The following SHISA9 variants were observed in gnomAD, a reference collection of about 807,000 sequenced individuals.
SHISA9 encodes shisa family member 9.
A neutral mutation model predicts 38.0 loss-of-function variants in SHISA9; 13 were observed. That is an observed-to-expected ratio of 0.34 (90% CI 0.22 to 0.54). The LOEUF (loss-of-function observed/expected upper bound fraction) is 0.54, where lower values mean the gene tolerates loss of function less well. Among genes scored for constraint, SHISA9 ranks in the 20% least tolerant of loss-of-function variants. SHISA9 has a pLI of 0.91. For missense variants in SHISA9, 538 were observed against 575.8 expected, an observed-to-expected ratio of 0.93 and a Z score of 0.67; for synonymous variants, 275 against 242.0, an observed-to-expected ratio of 1.14 and a Z score of -1.27.
chr16:13,021,432 C>T (rs888522019), intron 2 of SHISA9, among the ~76,000 whole-genome samples: 9 of 152,066 alleles, frequency 5.9e-5, no homozygotes, highest in Admixed American at 1.3e-4. Context: ...AGATGGAAGC[C>T]GAAGAGTCTC....
chr16:13,253,568 C>T, the SHISA9 span, among the ~76,000 whole-genome samples: 1 of 152,136 alleles, frequency 6.6e-6, no homozygotes, highest in Non-Finnish European at 1.5e-5. Flanking sequence ...GGCAAGAGAG[C>T]TTGTGCAGGG....
chr16:13,003,595 C>T (rs991272911), intron 2 of SHISA9, among the ~76,000 whole-genome samples: 16 of 152,270 alleles, frequency 1.1e-4, no homozygotes, highest in Non-Finnish European at 2.2e-4. Flanking sequence ...TGGTGGCTCA[C>T]GCCTGTAATC....
the SHISA9 span, among the ~76,000 whole-genome samples, chr16:13,497,553 C>T: frequency 7.8e-4 from 118 of 151,928 alleles, no homozygotes; most frequent in Non-Finnish European, 1.4e-3. Flanking sequence ...GGCATGGTGG[C>T]GCATGCCTGT....
chr16:12,967,549 T>TA (rs2071995991), intron 2 of SHISA9, among the ~76,000 whole-genome samples: 1 of 151,756 alleles, frequency 6.6e-6, no homozygotes, highest in Non-Finnish European at 1.5e-5. Context: ...CCCTAAAACT[T>TA]AAAGTATAAT....
At chr16:13,279,983 C>G in the SHISA9 span, among the ~76,000 whole-genome samples, 1 of 151,818 alleles carries the variant, frequency 6.6e-6, no homozygotes. Flanking sequence ...TCCATTTCAT[C>G]TAAGTTATCA....
At chr16:12,970,255 G>T (rs552385139) in intron 2 of SHISA9, among the ~76,000 whole-genome samples, 2 of 143,234 alleles carry the variant, frequency 1.4e-5, no homozygotes, top group African/African-American at 2.6e-5. Flanking sequence ...TAAAGTATGG[G>T]CTGGAAAAAC....
At chr16:13,413,757 CAAAAAAAAAAAA>C in the SHISA9 span, among the ~76,000 whole-genome samples, 127 of 52,928 alleles carry the variant, frequency 2.4e-3, 2 homozygotes, top group East Asian at 0.046. Flanking sequence ...GACTTCATCT[CAAAAAAAAAAAA>C]AAAAAAAAAA....
At chr16:13,162,494 A>C (rs987417255) in intron 2 of SHISA9, among the ~76,000 whole-genome samples, 4 of 152,232 alleles carry the variant, frequency 2.6e-5, no homozygotes, top group Non-Finnish European at 5.9e-5. Context: ...CATACAGTAC[A>C]TCTTTAATAC....
chr16:13,067,714 G>A (rs2073451160), intron 2 of SHISA9, among the ~76,000 whole-genome samples: 1 of 152,174 alleles, frequency 6.6e-6, no homozygotes, highest in African/African-American at 2.4e-5. Flanking sequence ...TCCAGCTCAG[G>A]CCCTGTCTTA....
the SHISA9 span, among the ~76,000 whole-genome samples, chr16:13,378,714 G>A: frequency 4.6e-5 from 7 of 152,194 alleles, no homozygotes; most frequent in African/African-American, 1.7e-4. Context: ...GTCTCTATAA[G>A]TGCAGTGTCT....
chr16:13,196,224 C>T (rs1429542800), intron 2 of SHISA9, among the ~76,000 whole-genome samples: 2 of 150,602 alleles, frequency 1.3e-5, no homozygotes, highest in Non-Finnish European at 1.5e-5. Context: ...GGTGAAACCC[C>T]GTCTCTACTA....
chr16:13,358,800 G>T, the SHISA9 span, among the ~76,000 whole-genome samples: 1 of 152,188 alleles, frequency 6.6e-6, no homozygotes, highest in Non-Finnish European at 1.5e-5. Flanking sequence ...TCTCTTGGCT[G>T]TTTTCAGCAG....
chr16:12,924,602 A>G (rs2071370598), intron 2 of SHISA9, among the ~76,000 whole-genome samples: 1 of 152,168 alleles, frequency 6.6e-6, no homozygotes, highest in Non-Finnish European at 1.5e-5. Context: ...TAAATTAAGT[A>G]GTTACTAAGA....
the SHISA9 span, among the ~76,000 whole-genome samples, chr16:13,359,122 T>A: frequency 4.9e-4 from 21 of 42,736 alleles, no homozygotes; most frequent in Admixed American, 4.7e-3. Context: ...TCCAGAAGAA[T>A]GTCCAGTTTT....
the SHISA9 span, among the ~76,000 whole-genome samples, chr16:13,452,264 T>A: frequency 1.3e-5 from 2 of 152,212 alleles, no homozygotes. Context: ...TGATATTGCA[T>A]AAAATAACAT....
chr16:13,481,476 C>T, the SHISA9 span, among the ~76,000 whole-genome samples: 2 of 152,320 alleles, frequency 1.3e-5, no homozygotes, highest in African/African-American at 4.8e-5. Flanking sequence ...GTCAGGCTGT[C>T]CTCAACCATG....
intron 2 of SHISA9, among the ~76,000 whole-genome samples, chr16:13,095,034 T>C (rs1449097289): frequency 6.6e-6 from 1 of 152,218 alleles, no homozygotes; most frequent in Non-Finnish European, 1.5e-5. Context: ...AGGCATTTTC[T>C]TCCTCCTTGA....
At chr16:13,362,432 C>A in the SHISA9 span, among the ~76,000 whole-genome samples, 1 of 151,380 alleles carries the variant, frequency 6.6e-6, no homozygotes, top group East Asian at 1.9e-4. Flanking sequence ...TGTCTCAGAC[C>A]AAAAAAACAA....
chr16:13,539,223 A>G, the SHISA9 span, among the ~76,000 whole-genome samples: 1 of 149,760 alleles, frequency 6.7e-6, no homozygotes, highest in Non-Finnish European at 1.5e-5. Context: ...TTGACCTCCC[A>G]AGCTCAAGAG....
Sources: allele counts gnomAD v4.1 joint callset (sites outside exome capture counted in the v4.1 genomes callset), GRCh38; gene constraint gnomAD v4.1.1; transcripts MANE v1.5; gene names NCBI Gene and HGNC (gene_info 2026-07-23, HGNC 2026-07-21).